TGM6: variants seen among roughly 807,000 people sequenced by gnomAD.
The protein encoded by TGM6 is transglutaminase 6.
In TGM6, 74 loss-of-function variants were observed where a neutral mutation model predicts 77.5. The observed-to-expected ratio is 0.96, with a 90% CI of 0.79 to 1.16. The LOEUF (loss-of-function observed/expected upper bound fraction) is 1.16. Ranked by LOEUF, TGM6 falls within the 50% of genes most tolerant of loss-of-function variation. The pLI is 0.00. For synonymous variants in TGM6, 383 were observed against 378.9 expected, an observed-to-expected ratio of 1.01 and a Z score of -0.12; for missense variants, 968 against 940.2, an observed-to-expected ratio of 1.03 and a Z score of -0.39.
chr20:2,385,694 C>A (rs988897705), intron 1 of TGM6, among the ~76,000 whole-genome samples: 2 of 152,122 alleles, frequency 1.3e-5, no homozygotes, highest in African/African-American at 4.8e-5. Context: ...ACAGTCGGAG[C>A]GTGAGCAGCT....
intron 10 of TGM6, among the ~76,000 whole-genome samples, chr20:2,428,607 C>T (rs1237297866): frequency 6.6e-6 from 1 of 151,988 alleles, no homozygotes; most frequent in African/African-American, 2.4e-5. Context: ...ATCATTCTTA[C>T]TACCTAATGA....
chr20:2,431,240 A>G (rs2084922623), intron 12 of TGM6, among the ~76,000 whole-genome samples: 1 of 152,156 alleles, frequency 6.6e-6, no homozygotes, highest in South Asian at 2.1e-4. Flanking sequence ...TCACTCAGTC[A>G]TTCACTCATA....
rs747661993 is a variant in TGM6 at position 2,403,630 on chromosome 20, T to C, written c.1143T>C (p.Asp381=). 6.2e-7 allele frequency: 1 copy of C among 1,614,156 alleles called. No individual in the cohort carries two copies. Among genetic ancestry groups the C allele is most frequent in the Non-Finnish European group, 8.5e-7 (1 of 1,180,022 alleles). The change falls in exon 9 of 13, where the codon GAT becomes GAC. Residue 381 remains aspartate (D), a synonymous_variant. Transcript: ENST00000202625. ...PASVTAIREG[D]VHLAHDGPFV... ...CAGTCACCGCCATCCGCGAGGGTGA[T>C]GTGCACCTGGCTCACGATGGCCCCT...
intron 9 of TGM6, among the ~76,000 whole-genome samples, chr20:2,415,992 T>TGC (rs2084814152): frequency 1.3e-5 from 2 of 152,120 alleles, no homozygotes; most frequent in Admixed American, 1.3e-4. Flanking sequence ...GAGAGTGCGT[T>TGC]CCCTCTAGGG....
chr20:2,406,032 C>T (rs2084748317), intron 9 of TGM6, among the ~76,000 whole-genome samples: 1 of 152,180 alleles, frequency 6.6e-6, no homozygotes, highest in Non-Finnish European at 1.5e-5. Flanking sequence ...GAAGATACCC[C>T]CAAACCTTAA....
chr20:2,381,337 T>C (rs1269519101), intron 1 of TGM6, among the ~76,000 whole-genome samples: 3 of 152,136 alleles, frequency 2.0e-5, no homozygotes. Flanking sequence ...TTTCTGGGCA[T>C]AGTTGGGAAT....
chr20:2,418,365 A>G (rs548781343), intron 10 of TGM6, among the ~76,000 whole-genome samples: 6 of 152,222 alleles, frequency 3.9e-5, no homozygotes, highest in Admixed American at 6.5e-5. Flanking sequence ...CGACGGCACA[A>G]TCCCTCCAGC....
chr20:2,424,295 G>A (rs2084874277), intron 10 of TGM6, among the ~76,000 whole-genome samples: 1 of 152,204 alleles, frequency 6.6e-6, no homozygotes, highest in Admixed American at 6.5e-5. Flanking sequence ...AAAATGTGTT[G>A]TTTTATGTAG....
At chr20:2,383,376 T>C (rs573215077) in intron 1 of TGM6, among the ~76,000 whole-genome samples, 11 of 152,018 alleles carry the variant, frequency 7.2e-5, no homozygotes, top group African/African-American at 1.9e-4. Context: ...GGGGTGGGGA[T>C]GGGTGGAGAG....
intron 6 of TGM6, 145 bp from the exon 7 acceptor site, chr20:2,400,161 C>T: frequency 5.9e-6 from 7 of 1,195,292 alleles, no homozygotes; most frequent in Non-Finnish European, 8.3e-6. Context: ...AGTCTCAGCC[C>T]CACAACCTGA....
chr20:2,411,588 A>T (rs891570322), intron 9 of TGM6, among the ~76,000 whole-genome samples: 1 of 152,228 alleles, frequency 6.6e-6, no homozygotes, highest in Non-Finnish European at 1.5e-5. Flanking sequence ...AATCAGGGAC[A>T]AGACCAAGAT....
intron 8 of TGM6, 24 bp from the exon 9 acceptor site, chr20:2,403,557 C>T (rs1464635594): frequency 6.2e-7 from 1 of 1,614,176 alleles, no homozygotes; most frequent in Non-Finnish European, 8.5e-7. Context: ...ACCCATGCTG[C>T]TCATGCCCAC....
At position 2,400,258 on chromosome 20, in the gene TGM6, C is replaced by T. The variant is rs773457311; in HGVS notation, c.851-48C>T. On this transcript the variant is annotated intron_variant, in intron 6 of 12. Transcript: ENST00000202625. ...CGCCTGCTGTGGAAGCCAGGCCCCT[C>T]TCTCAGGGGCCAGGGTCCCGCCTGC... 15 of 1,611,906 alleles carry T rather than the reference C, an allele frequency of 9.3e-6. No homozygotes were observed. In the African/African-American group the frequency reaches 1.9e-4, roughly 20 times the overall value.
chr20:2,431,981 G>T (rs1160020464), intron 12 of TGM6, among the ~76,000 whole-genome samples: 1 of 152,218 alleles, frequency 6.6e-6, no homozygotes, highest in East Asian at 1.9e-4. Context: ...AACTAGCCTG[G>T]CTAGATGGGA....
intron 1 of TGM6, among the ~76,000 whole-genome samples, chr20:2,383,057 C>T (rs911584489): frequency 5.3e-5 from 8 of 152,192 alleles, no homozygotes; most frequent in Non-Finnish European, 1.0e-4. Context: ...GAGAGGCCAG[C>T]AGCTTCCAAC....
At chr20:2,385,298 G>A (rs763930367) in intron 1 of TGM6, among the ~76,000 whole-genome samples, 2 of 152,080 alleles carry the variant, frequency 1.3e-5, no homozygotes, top group Admixed American at 6.5e-5. Flanking sequence ...GACAACCAGT[G>A]CAGGAAAACC....
chr20:2,383,942 C>T (rs1329501438), intron 1 of TGM6, among the ~76,000 whole-genome samples: 2 of 151,880 alleles, frequency 1.3e-5, no homozygotes, highest in Non-Finnish European at 2.9e-5. Flanking sequence ...CCCATCTCTA[C>T]TAAAAATACA....
intron 9 of TGM6, among the ~76,000 whole-genome samples, chr20:2,406,070 A>AC (rs1401471565): frequency 6.6e-6 from 1 of 151,632 alleles, no homozygotes; most frequent in Non-Finnish European, 1.5e-5. Flanking sequence ...ACCTACTCAC[A>AC]CCCCCAACTC....
rs771377547 is a variant in TGM6, at chr20:2,403,644, A to G, written c.1157A>G (p.His386Arg). The change falls in exon 9 of 13, where the codon CAC becomes CGC. Residue 386 changes from histidine (H) to arginine (R), a missense_variant. By Grantham distance (29) the His-to-Arg change is conservative. Transcript: ENST00000202625. ...AIREGDVHLA[H>R]DGPFVFAEVN... ...CGCGAGGGTGATGTGCACCTGGCTCACGATGGCCCCTTCGTGTTTGCGGAG... is the reference window on the plus strand; with the variant it reads ...CGCGAGGGTGATGTGCACCTGGCTCGCGATGGCCCCTTCGTGTTTGCGGAG... The G allele has an allele frequency of 1.9e-6, 3 of 1,614,058 alleles. No homozygotes were observed. The African/African-American group carries it at 4.0e-5, about 22-fold the overall frequency.
Sources: allele counts gnomAD v4.1 joint callset (sites outside exome capture counted in the v4.1 genomes callset), GRCh38; gene constraint gnomAD v4.1.1; transcripts MANE v1.5; gene names NCBI Gene and HGNC (gene_info 2026-07-23, HGNC 2026-07-21).